The following CMC1 variants were observed in gnomAD, a reference collection of about 807,000 sequenced individuals.
The protein encoded by CMC1 is C-X9-C motif containing 1.
A neutral mutation model predicts 14.1 loss-of-function variants in CMC1; 14 were observed. The observed-to-expected ratio is 0.99, with a 90% CI of 0.66 to 1.55. The LOEUF (loss-of-function observed/expected upper bound fraction) is 1.55, where lower values mean the gene tolerates loss of function less well. Ranked by LOEUF, CMC1 falls within the 40% of genes most tolerant of loss-of-function variation. CMC1 has a pLI of 0.00. For synonymous variants in CMC1, 50 were observed against 38.4 expected (o/e 1.30, Z -1.12); for missense variants, 127 against 123.8 (o/e 1.03, Z -0.12).
At chr3:28,301,936 T>G (rs559205500) in intron 2 of CMC1, among the ~76,000 whole-genome samples, 3 of 151,494 alleles carry the variant, frequency 2.0e-5, no homozygotes, top group African/African-American at 4.9e-5. Flanking sequence ...ACTATGGAAC[T>G]GGCTACCTTG....
intron 1 of CMC1, among the ~76,000 whole-genome samples, chr3:28,247,477 T>C (rs189688217): frequency 8.5e-5 from 13 of 152,266 alleles, no homozygotes; most frequent in East Asian, 5.8e-4. Context: ...TGGGCTTTCA[T>C]GCCCTTTTTC....
At chr3:28,257,755 G>T (rs1286556110) in intron 1 of CMC1, among the ~76,000 whole-genome samples, 1 of 152,094 alleles carries the variant, frequency 6.6e-6, no homozygotes, top group African/African-American at 2.4e-5. Context: ...TTGACCTCGT[G>T]ATCTGCCCGC....
intron 2 of CMC1, among the ~76,000 whole-genome samples, chr3:28,272,267 G>C (rs1263458103): frequency 1.3e-5 from 2 of 152,164 alleles, no homozygotes; most frequent in East Asian, 1.9e-4. Context: ...TTGAAAAGAA[G>C]TGGTGAGAGA....
intron 2 of CMC1, among the ~76,000 whole-genome samples, chr3:28,281,612 T>C (rs1201025216): frequency 1.3e-5 from 2 of 152,210 alleles, no homozygotes; most frequent in East Asian, 1.9e-4. Context: ...TGAGACTTGC[T>C]TTTGAGTACC....
chr3:28,324,711 T>G lies in CMC1; in HGVS notation c.*5082T>G, dbSNP rs1443825525. 1 of 327,830 alleles carries G rather than the reference T, an allele frequency of 3.1e-6. No homozygotes were observed. The highest frequency in any genetic ancestry group is 5.5e-6 in the Non-Finnish European group (1 of 180,526). 20.3% of individuals were successfully genotyped at this position (327,830 alleles called of 1,614,324 possible). On this transcript the variant is annotated 3_prime_UTR_variant, in exon 4 of 4. Coordinates refer to ENST00000466830, the MANE Select transcript of CMC1 (RefSeq NM_182523.2). ...TCTCTTTCCTTGTCTGCAGAATGGA[T>G]ATAGAATTCCTGTCCCAACTATGTC... is the stretch of plus-strand genomic sequence containing the variant.
At chr3:28,267,212 A>C (rs1700051663) in intron 2 of CMC1, among the ~76,000 whole-genome samples, 2 of 152,194 alleles carry the variant, frequency 1.3e-5, no homozygotes, top group Non-Finnish European at 2.9e-5. Context: ...TAAAGTGTGC[A>C]TACTAGTATT....
At chr3:28,250,532 G>C (rs1193097004) in intron 1 of CMC1, among the ~76,000 whole-genome samples, 2 of 152,166 alleles carry the variant, frequency 1.3e-5, no homozygotes, top group African/African-American at 4.8e-5. Context: ...TTGTAAACCA[G>C]TTCCATCCAC....
At chr3:28,256,598 T>C (rs1276274528) in intron 1 of CMC1, among the ~76,000 whole-genome samples, 1 of 152,168 alleles carries the variant, frequency 6.6e-6, no homozygotes, top group African/African-American at 2.4e-5. Flanking sequence ...GAATAATCTT[T>C]GTTTTATACA....
rs887836429 is a variant in CMC1 at position 28,255,925 on chromosome 3, C to T, written c.20-7366C>T. Among the ~76,000 whole-genome samples the T allele has an allele frequency of 4.5e-4, 69 of 151,748 alleles. 1 individual carries two copies. Among genetic ancestry groups the T allele is most frequent in the African/African-American group, 1.5e-3 (62 of 41,260 alleles). On this transcript the variant is annotated intron_variant, in intron 1 of 3. Coordinates refer to ENST00000466830, the MANE Select transcript of CMC1 (RefSeq NM_182523.2). ...TCATTTTTTTGTTTGAAAATTAAGG[C>T]GAAATAGATAGGGTCATTGAGAAAT...
intron 2 of CMC1, among the ~76,000 whole-genome samples, chr3:28,304,588 A>G (rs1252467919): frequency 6.6e-6 from 1 of 152,184 alleles, no homozygotes; most frequent in East Asian, 1.9e-4. Context: ...AGACGTCTCA[A>G]CAGCATTTGA....
chr3:28,295,011 G>T (rs1021660925), intron 2 of CMC1, among the ~76,000 whole-genome samples: 11 of 151,992 alleles, frequency 7.2e-5, no homozygotes, highest in Non-Finnish European at 1.3e-4. Context: ...AAAACAATCT[G>T]TAGACAGGAA....
intron 2 of CMC1, among the ~76,000 whole-genome samples, chr3:28,300,058 A>G (rs73822575): frequency 0.041 from 6,237 of 152,282 alleles, 377 homozygotes; most frequent in African/African-American, 0.13. Context: ...TAAGTGTCTA[A>G]TTAAATTTAG....
At chr3:28,243,217 G>A (rs1490377915) in intron 1 of CMC1, among the ~76,000 whole-genome samples, 1 of 151,938 alleles carries the variant, frequency 6.6e-6, no homozygotes, top group Non-Finnish European at 1.5e-5. Context: ...CACCACGGCC[G>A]GCTAATTTTT....
chr3:28,308,591 T>C (rs913546321), intron 2 of CMC1, among the ~76,000 whole-genome samples: 11 of 152,216 alleles, frequency 7.2e-5, no homozygotes, highest in African/African-American at 2.7e-4. Flanking sequence ...ATGAATTTTA[T>C]TGTATTAAAA....
intron 1 of CMC1, among the ~76,000 whole-genome samples, chr3:28,253,157 A>G (rs1699217471): frequency 6.6e-6 from 1 of 152,194 alleles, no homozygotes; most frequent in Non-Finnish European, 1.5e-5. Context: ...GAAAAACTGG[A>G]GTCTGCCTAG....
At chr3:28,246,354 A>G (rs1698828257) in intron 1 of CMC1, among the ~76,000 whole-genome samples, 1 of 152,220 alleles carries the variant, frequency 6.6e-6, no homozygotes, top group Admixed American at 6.5e-5. Flanking sequence ...AGAAGAATTG[A>G]GATCAAAGAG....
intron 2 of CMC1, among the ~76,000 whole-genome samples, chr3:28,304,303 A>AT (rs925610562): frequency 5.4e-4 from 81 of 150,058 alleles, no homozygotes; most frequent in African/African-American, 1.3e-3. Context: ...TTGTCACTGG[A>AT]TTTTTTTTTT....
intron 2 of CMC1, among the ~76,000 whole-genome samples, chr3:28,308,451 T>C (rs887373125): frequency 6.6e-6 from 1 of 152,166 alleles, no homozygotes; most frequent in Non-Finnish European, 1.5e-5. Context: ...TGGAAATAAC[T>C]GACAGGCCAT....
chr3:28,317,331 A>T (rs1401839650), intron 3 of CMC1: 3 of 152,022 alleles, frequency 2.0e-5, no homozygotes, highest in Non-Finnish European at 4.4e-5. Context: ...AACATAATCA[A>T]TATTGATTTT....
Sources: allele counts gnomAD v4.1 joint callset (sites outside exome capture counted in the v4.1 genomes callset), GRCh38; gene constraint gnomAD v4.1.1; transcripts MANE v1.5; gene names NCBI Gene and HGNC (gene_info 2026-07-23, HGNC 2026-07-21).